Variants in GPC6 observed in about 807,000 individuals in gnomAD.
The protein encoded by GPC6 is glypican 6.
GPC6 carries 14 observed loss-of-function variants against 55.2 expected under a neutral mutation model. The observed-to-expected ratio is 0.25, with a 90% confidence interval of 0.17 to 0.40. The LOEUF is 0.40. Among genes scored for constraint, GPC6 ranks in the 10% least tolerant of loss-of-function variants. The probability of loss-of-function intolerance (pLI) is 1.00; values close to 1 mark genes in which losing one functional copy is unlikely to be tolerated. For synonymous variants in GPC6, 278 were observed against 259.6 expected (o/e 1.07, Z -0.68); for missense variants, 641 against 708.5 (o/e 0.90, Z 1.08).
rs1358267052 is a variant in GPC6 at position 93,227,581 on chromosome 13, T to A, written c.125T>A (p.Phe42Tyr). ...EVRQAYGAKG[F>Y]SLADIPYQEI... Reference sequence around the variant, plus strand: ...CGCCAGGCGTACGGTGCCAAGGGATTCAGCCTGGCGGACATCCCCTACCAG... The same window carrying A: ...CGCCAGGCGTACGGTGCCAAGGGATACAGCCTGGCGGACATCCCCTACCAG... The change falls in exon 1 of 9, where the codon TTC (phenylalanine) becomes TAC (tyrosine). Residue 42 changes from phenylalanine (F) to tyrosine (Y), a missense_variant. Phe to Tyr is a conservative substitution (Grantham distance 22, BLOSUM62 3). Coordinates refer to ENST00000377047, the MANE Select transcript of GPC6 (RefSeq NM_005708.5). The surrounding 1 kb of genome is among the most constrained non-coding windows in gnomAD (Gnocchi z 4.3). The A allele has an allele frequency of 6.2e-7, 1 of 1,610,670 alleles. No homozygotes were observed. Among genetic ancestry groups the A allele is most frequent in the African/African-American group, 1.3e-5 (1 of 74,996 alleles).
chr13:93,348,963 A>T (rs2139161253), intron 1 of GPC6, among the ~76,000 whole-genome samples: 1 of 152,288 alleles, frequency 6.6e-6, no homozygotes, highest in Non-Finnish European at 1.5e-5. Context: ...CTGAAATAAC[A>T]TTCTGCTTAG....
Position 94,207,877 on chromosome 13 carries a change from C to T in GPC6, c.878-78472C>T, listed in dbSNP as rs1028145590. Among the ~76,000 whole-genome samples the T allele has an allele frequency of 1.2e-4, 18 of 152,210 alleles. No individual in the cohort carries two copies. In the East Asian group the frequency reaches 2.9e-3, roughly 25 times the overall value. ...AATTATGTTGGTGCAAAAGTAATTG[C>T]GATTTACTTTTGCACCAACCTTACA... On this transcript the variant is annotated intron_variant, in intron 4 of 8. Transcript: ENST00000377047.
At chr13:94,339,995 T>A (rs1304566706) in intron 6 of GPC6, among the ~76,000 whole-genome samples, 4 of 151,954 alleles carry the variant, frequency 2.6e-5, no homozygotes, top group Middle Eastern at 3.4e-3. Flanking sequence ...ACTCCCGATC[T>A]CAGGTGATCC....
rs560434661 is a variant in GPC6, at chr13:94,402,962, A to G, written c.1466-53A>G. ...CAAGATGAGATTTGGGTGGGGCCACAAAGCCTAAACATATCAGTGGTCTAA... is the reference window on the plus strand; with the variant it reads ...CAAGATGAGATTTGGGTGGGGCCACGAAGCCTAAACATATCAGTGGTCTAA... On this transcript the variant is annotated intron_variant, in intron 8 of 8. Transcript: ENST00000377047. The G allele has an allele frequency of 8.3e-5, 109 of 1,310,602 alleles. No homozygotes were observed. The Middle Eastern group carries it at 2.7e-3, about 33-fold the overall frequency. 81.2% of individuals were successfully genotyped at this position (1,310,602 alleles called of 1,614,324 possible). A position where few individuals can be genotyped will look rare whatever the true frequency, so the allele number is the denominator to read the frequency against.
intron 2 of GPC6, among the ~76,000 whole-genome samples, chr13:93,759,514 A>G (rs1297394009): frequency 2.0e-5 from 3 of 152,202 alleles, no homozygotes; most frequent in Non-Finnish European, 4.4e-5. Context: ...GGAAGATTTT[A>G]TATACATGCT....
intron 1 of GPC6, among the ~76,000 whole-genome samples, chr13:93,325,060 A>T (rs1021219448): frequency 2.0e-5 from 3 of 152,184 alleles, no homozygotes; most frequent in Non-Finnish European, 4.4e-5. Context: ...GCATTTCTCT[A>T]TGTTTTGGAA....
chr13:93,977,838 G>T (rs545438812), intron 3 of GPC6, among the ~76,000 whole-genome samples: 15 of 152,110 alleles, frequency 9.9e-5, no homozygotes, highest in African/African-American at 3.4e-4. Flanking sequence ...AAAGTCCATA[G>T]CTGTGAAAAA....
intron 1 of GPC6, among the ~76,000 whole-genome samples, chr13:93,533,774 G>T (rs973725632): frequency 6.6e-6 from 1 of 151,880 alleles, no homozygotes; most frequent in African/African-American, 2.4e-5. Context: ...TCTTCTTGAA[G>T]TTGCTCTTGC....
chr13:94,362,777 A>G (rs2139182922), intron 6 of GPC6, among the ~76,000 whole-genome samples: 3 of 152,360 alleles, frequency 2.0e-5, no homozygotes, highest in Middle Eastern at 6.8e-3. Flanking sequence ...TAAATCAATA[A>G]TAAACTCTGC....
intron 1 of GPC6, among the ~76,000 whole-genome samples, chr13:93,415,853 G>A (rs910093422): frequency 1.3e-5 from 2 of 152,064 alleles, no homozygotes; most frequent in Admixed American, 6.6e-5. Flanking sequence ...TTATTGACGT[G>A]TTAGAAATGT....
intron 2 of GPC6, among the ~76,000 whole-genome samples, chr13:93,774,013 G>T (rs1204199189): frequency 2.6e-5 from 4 of 152,174 alleles, no homozygotes; most frequent in African/African-American, 7.2e-5. Context: ...TGGCTTAGAT[G>T]CCTCATGCCT....
At chr13:93,931,022 G>C (rs936408966) in intron 3 of GPC6, among the ~76,000 whole-genome samples, 1 of 151,950 alleles carries the variant, frequency 6.6e-6, no homozygotes, top group Non-Finnish European at 1.5e-5. Flanking sequence ...TCTCGCAAGC[G>C]CTCACTCACT....
chr13:93,684,171 C>T (rs1041731290), intron 2 of GPC6, among the ~76,000 whole-genome samples: 1 of 152,046 alleles, frequency 6.6e-6, no homozygotes, highest in African/African-American at 2.4e-5. Context: ...CGATTTTCCA[C>T]TGCAAATTTT....
chr13:93,607,558 T>G (rs2139534148), intron 2 of GPC6, among the ~76,000 whole-genome samples: 1 of 152,314 alleles, frequency 6.6e-6, no homozygotes, highest in Non-Finnish European at 1.5e-5. Context: ...CCGTCATTAC[T>G]GAGTATCTCT....
intron 2 of GPC6, among the ~76,000 whole-genome samples, chr13:93,615,662 G>C (rs1471271315): frequency 1.3e-5 from 2 of 152,024 alleles, no homozygotes; most frequent in East Asian, 3.9e-4. Context: ...ACAACTTTTT[G>C]TGAATAAGGA....
At chr13:93,396,540 C>T (rs1875865478) in intron 1 of GPC6, among the ~76,000 whole-genome samples, 1 of 151,782 alleles carries the variant, frequency 6.6e-6, no homozygotes, top group South Asian at 2.1e-4. Context: ...GATACTCCAG[C>T]CCGGGCAACA....
At chr13:93,980,847 G>T (rs1249680761) in intron 3 of GPC6, among the ~76,000 whole-genome samples, 1 of 152,006 alleles carries the variant, frequency 6.6e-6, no homozygotes. Context: ...ATCTGTGCTG[G>T]CCCCATCCCT....
intron 3 of GPC6, among the ~76,000 whole-genome samples, chr13:93,851,221 GGCAGAGCCAGACAT>G (rs1277899688): frequency 2.6e-5 from 4 of 151,842 alleles, no homozygotes; most frequent in African/African-American, 7.3e-5. Context: ...CTGTTTTGCT[GGCAGAGCCAGACAT>G]CTAAATCTAC....
At chr13:93,958,290 A>G (rs543105551) in intron 3 of GPC6, among the ~76,000 whole-genome samples, 1 of 152,198 alleles carries the variant, frequency 6.6e-6, no homozygotes, top group African/African-American at 2.4e-5. Flanking sequence ...TCTTTGCCAA[A>G]GAAGAATATT....
Sources: allele counts gnomAD v4.1 joint callset (sites outside exome capture counted in the v4.1 genomes callset), GRCh38; gene constraint gnomAD v4.1.1; non-coding constraint Gnocchi (gnomAD v3.1); transcripts MANE v1.5; gene names NCBI Gene and HGNC (gene_info 2026-07-23, HGNC 2026-07-21).